The following HIVEP3 variants were observed in gnomAD, a reference collection of about 807,000 sequenced individuals.
HIVEP3 encodes transcription factor HIVEP3.
Under a neutral mutation model 152.8 loss-of-function variants are expected in HIVEP3, and 49 were observed. The observed-to-expected ratio is 0.32, with a 90% confidence interval of 0.26 to 0.41. HIVEP3 has a LOEUF of 0.41. HIVEP3 is among the 10% of genes least tolerant of loss of function. The pLI, the probability that HIVEP3 is intolerant of heterozygous loss-of-function variation, is 1.00. For missense variants in HIVEP3, 2,790 were observed against 3,103.3 expected, an observed-to-expected ratio of 0.90 and a Z score of 2.40; for synonymous variants, 1,269 against 1,289.0, an observed-to-expected ratio of 0.98 and a Z score of 0.33.
At chr1:41,931,476 C>A (rs996826336) in intron 1 of HIVEP3, among the ~76,000 whole-genome samples, 1 of 152,070 alleles carries the variant, frequency 6.6e-6, no homozygotes, top group African/African-American at 2.4e-5. Context: ...TTTGTCAACA[C>A]TACACTTCCT....
chr1:41,571,155 C>G (rs1421877017), intron 5 of HIVEP3, among the ~76,000 whole-genome samples: 1 of 152,112 alleles, frequency 6.6e-6, no homozygotes, highest in Non-Finnish European at 1.5e-5. Context: ...ACTTATCATT[C>G]CCTTCGGACA....
At chr1:41,642,641 C>G (rs1178697540) in intron 2 of HIVEP3, among the ~76,000 whole-genome samples, 1 of 152,234 alleles carries the variant, frequency 6.6e-6, no homozygotes, top group African/African-American at 2.4e-5. Flanking sequence ...GAGGACAGGA[C>G]TGGGATGTGT....
In HIVEP3 at chr1:41,651,238, C is replaced by T. The variant is rs543063858; in HGVS notation, c.-720-22291G>A. ...CAGCCTGGCCAACACGGTGAAGCCCCGTCTCTACTAAAAATACAAGAAATT... is the reference window on the plus strand; with the variant it reads ...CAGCCTGGCCAACACGGTGAAGCCCTGTCTCTACTAAAAATACAAGAAATT... On this transcript the variant is annotated intron_variant, in intron 2 of 8. Transcript: ENST00000372583. 3.9e-5 allele frequency among the ~76,000 whole-genome samples: 6 copies of T among 152,042 alleles called. No homozygotes were observed. In the South Asian group the frequency reaches 1.2e-3, roughly 32 times the overall value.
At chr1:41,643,193 A>G (rs1645401636) in intron 2 of HIVEP3, among the ~76,000 whole-genome samples, 1 of 152,180 alleles carries the variant, frequency 6.6e-6, no homozygotes, top group Non-Finnish European at 1.5e-5. Context: ...TGATTAGGCC[A>G]CAATGCTTCT....
chr1:41,756,812 G>A (rs551234930), intron 1 of HIVEP3, among the ~76,000 whole-genome samples: 3 of 152,236 alleles, frequency 2.0e-5, no homozygotes, highest in East Asian at 1.9e-4. Flanking sequence ...ATTTTTGTCC[G>A]TATCATTTAC....
At chr1:41,575,508 C>T (rs759405735) in intron 5 of HIVEP3, 36 bp downstream of exon 5, 124 of 1,606,054 alleles carry the variant, frequency 7.7e-5, no homozygotes, top group Admixed American at 2.7e-4. Context: ...TCTTATTCCA[C>T]GGAAGCAGAC....
At chr1:41,836,979 A>T (rs672452) in intron 1 of HIVEP3, among the ~76,000 whole-genome samples, 117,724 of 152,158 alleles carry the variant, frequency 0.77, 45,835 homozygotes, top group East Asian at 1. Flanking sequence ...CCTACTTAGA[A>T]CCTTCTAGGA....
chr1:41,888,150 C>T (rs1174090654), intron 1 of HIVEP3, among the ~76,000 whole-genome samples: 1 of 151,282 alleles, frequency 6.6e-6, no homozygotes, highest in African/African-American at 2.4e-5. Context: ...ATTCTCCTGC[C>T]TCAGCCTCTC....
chr1:41,890,533 C>G (rs1644429950), intron 1 of HIVEP3, among the ~76,000 whole-genome samples: 1 of 152,178 alleles, frequency 6.6e-6, no homozygotes, highest in Non-Finnish European at 1.5e-5. Flanking sequence ...TTGTGTGATG[C>G]TGAGGTTTGG....
intron 1 of HIVEP3, among the ~76,000 whole-genome samples, chr1:41,755,092 T>C (rs1647251738): frequency 6.6e-6 from 1 of 152,254 alleles, no homozygotes. Flanking sequence ...TGTGTGGTAT[T>C]GGCAGGACAG....
intron 1 of HIVEP3, among the ~76,000 whole-genome samples, chr1:41,852,459 G>A (rs1193387406): frequency 6.6e-6 from 1 of 152,234 alleles, no homozygotes; most frequent in African/African-American, 2.4e-5. Context: ...CCCAGAGACA[G>A]GAATATCAGA....
chr1:41,637,732 T>G (rs56384647), intron 2 of HIVEP3, among the ~76,000 whole-genome samples: 4,357 of 152,332 alleles, frequency 0.029, 84 homozygotes, highest in Middle Eastern at 0.058. Flanking sequence ...ACATGCGTTC[T>G]TGTTTCTACA....
intron 2 of HIVEP3, among the ~76,000 whole-genome samples, chr1:41,666,113 G>T (rs1293994351): frequency 1.5e-5 from 2 of 131,484 alleles, no homozygotes; most frequent in East Asian, 3.0e-4. Context: ...CCTGTTTGGG[G>T]TGTGTGTGCG....
At chr1:42,028,407 T>C (rs1381111833) in intron 1 of HIVEP3, among the ~76,000 whole-genome samples, 1 of 152,196 alleles carries the variant, frequency 6.6e-6, no homozygotes, top group Admixed American at 6.5e-5. Flanking sequence ...AGCACTTTTC[T>C]TTCTGCTGCC....
intron 1 of HIVEP3, among the ~76,000 whole-genome samples, chr1:41,701,517 G>C (rs1441140382): frequency 6.6e-6 from 1 of 152,164 alleles, no homozygotes; most frequent in African/African-American, 2.4e-5. Context: ...CAGGCTGGTG[G>C]GTTGCCTCCC....
intron 1 of HIVEP3, among the ~76,000 whole-genome samples, chr1:41,793,410 C>T (rs1198927125): frequency 6.6e-6 from 1 of 152,192 alleles, no homozygotes; most frequent in African/African-American, 2.4e-5. Context: ...CTTCCTATGA[C>T]TGGTGCCACA....
At chr1:41,771,601 C>T (rs971677574) in intron 1 of HIVEP3, among the ~76,000 whole-genome samples, 8 of 152,120 alleles carry the variant, frequency 5.3e-5, no homozygotes, top group Admixed American at 2.0e-4. Flanking sequence ...GGTAAGGAAG[C>T]AGGAGGAGTT....
chr1:41,634,811 C>G (rs1272492546), intron 2 of HIVEP3, among the ~76,000 whole-genome samples: 1 of 152,110 alleles, frequency 6.6e-6, no homozygotes, highest in Non-Finnish European at 1.5e-5. Flanking sequence ...CGAACTTTTA[C>G]TCTCATCATA....
At chr1:41,676,096 G>A (rs540011745) in intron 2 of HIVEP3, among the ~76,000 whole-genome samples, 3 of 151,940 alleles carry the variant, frequency 2.0e-5, no homozygotes, top group South Asian at 4.2e-4. Context: ...CTGTCCCTCA[G>A]GTTGGAGTGC....
Sources: allele counts gnomAD v4.1 joint callset (sites outside exome capture counted in the v4.1 genomes callset), GRCh38; gene constraint gnomAD v4.1.1; transcripts MANE v1.5; gene names NCBI Gene and HGNC (gene_info 2026-07-23, HGNC 2026-07-21).